MMP26: variants seen among roughly 807,000 people sequenced by gnomAD.
MMP26 encodes matrix metalloproteinase-26.
A neutral mutation model predicts 31.0 loss-of-function variants in MMP26; 33 were observed. That is an observed-to-expected ratio of 1.06 (90% CI 0.81 to 1.42). The LOEUF (loss-of-function observed/expected upper bound fraction) is 1.42, where lower values mean the gene tolerates loss of function less well. Ranked by LOEUF, MMP26 falls within the 40% of genes most tolerant of loss-of-function variation. MMP26 has a pLI of 0.00. For synonymous variants in MMP26, 122 were observed against 114.9 expected, an observed-to-expected ratio of 1.06 and a Z score of -0.40; for missense variants, 347 against 316.1, an observed-to-expected ratio of 1.10 and a Z score of -0.74.
chr11:4,870,386 A>G (rs1487899335), intron 2 of MMP26, among the ~76,000 whole-genome samples: 1 of 152,148 alleles, frequency 6.6e-6, no homozygotes, highest in African/African-American at 2.4e-5. Context: ...TAGAATATGT[A>G]TTAAAATAAT....
intron 1 of MMP26, chr11:4,724,124 G>T (rs1848062967): frequency 4.8e-6 from 3 of 619,474 alleles, no homozygotes; most frequent in African/African-American, 3.7e-5. Context: ...AGTCCTGGGG[G>T]GCTAGAGGTG....
intron 2 of MMP26, among the ~76,000 whole-genome samples, chr11:4,861,199 GATAC>G (rs1050543161): frequency 3.3e-5 from 5 of 149,386 alleles, no homozygotes; most frequent in Admixed American, 1.3e-4. Context: ...TATACATATA[GATAC>G]ATACAGTTTC....
chr11:4,802,653 A>G (rs1482897483), intron 2 of MMP26, among the ~76,000 whole-genome samples: 5 of 152,224 alleles, frequency 3.3e-5, no homozygotes, highest in Non-Finnish European at 1.5e-5. Flanking sequence ...ATTTAAAAAT[A>G]CACTAAAGTA....
intron 2 of MMP26, among the ~76,000 whole-genome samples, chr11:4,969,571 G>C (rs1846638355): frequency 6.6e-6 from 1 of 151,942 alleles, no homozygotes; most frequent in Non-Finnish European, 1.5e-5. Context: ...AACCTAAAAA[G>C]TTAGATACAT....
intron 2 of MMP26, among the ~76,000 whole-genome samples, chr11:4,866,145 T>TA (rs1850230890): frequency 6.6e-6 from 1 of 151,846 alleles, no homozygotes; most frequent in African/African-American, 2.4e-5. Context: ...GAAGCCAGGC[T>TA]AAAAAAGTGG....
intron 2 of MMP26, among the ~76,000 whole-genome samples, chr11:4,878,956 C>A (rs1850421519): frequency 6.6e-6 from 1 of 152,024 alleles, no homozygotes; most frequent in Non-Finnish European, 1.5e-5. Context: ...ACAAAAAGGG[C>A]CGGGCGCGGT....
At chr11:4,776,319 G>A (rs572049020) in intron 2 of MMP26, among the ~76,000 whole-genome samples, 120 of 152,144 alleles carry the variant, frequency 7.9e-4, no homozygotes, top group African/African-American at 2.7e-3. Context: ...CCAGTAGTGA[G>A]ATTACTGGAT....
chr11:4,803,903 TC>T, intron 2 of MMP26: 1 of 1,612,460 alleles, frequency 6.2e-7, no homozygotes, highest in South Asian at 1.1e-5. Context: ...CAGAAGGGGC[TC>T]ACCCACAGCA....
At position 4,822,966 on chromosome 11, in the gene MMP26, T is replaced by C. The variant is rs140119407; in HGVS notation, c.-145+55625T>C. ...TGCTGTTAGCTGAAGAGTTAAAAGT[T>C]GGTAATTACATTGTTAACATTCTAG... is the stretch of plus-strand genomic sequence containing the variant. On this transcript the variant is annotated intron_variant, in intron 2 of 7. Coordinates refer to ENST00000380390, the MANE Select transcript of MMP26 (RefSeq NM_021801.5). 9.0e-3 allele frequency among the ~76,000 whole-genome samples: 1,377 copies of C among 152,274 alleles called. 18 individuals carry two copies. The highest frequency in any genetic ancestry group is 0.012 in the Non-Finnish European group (823 of 68,008).
At chr11:4,844,637 T>C (rs1402464604) in intron 2 of MMP26, among the ~76,000 whole-genome samples, 1 of 152,166 alleles carries the variant, frequency 6.6e-6, no homozygotes, top group Admixed American at 6.5e-5. Flanking sequence ...GGATACATTC[T>C]ATCAACAGAA....
At chr11:4,899,713 G>C (rs1850773378) in intron 2 of MMP26, among the ~76,000 whole-genome samples, 2 of 152,058 alleles carry the variant, frequency 1.3e-5, no homozygotes, top group African/African-American at 4.8e-5. Flanking sequence ...ACCCCATCAG[G>C]CTAATGACCT....
chr11:4,792,568 C>T (rs567465682), intron 2 of MMP26, among the ~76,000 whole-genome samples: 1 of 152,236 alleles, frequency 6.6e-6, no homozygotes, highest in South Asian at 2.1e-4. Context: ...TTTTCACTGT[C>T]TTGGGTCAGA....
chr11:4,949,629 G>A (rs11034852), intron 2 of MMP26, among the ~76,000 whole-genome samples: 88,173 of 119,816 alleles, frequency 0.74, 38,264 homozygotes, highest in Middle Eastern at 0.87. Flanking sequence ...ATCAAAAAAT[G>A]TAACTTCTAT....
intron 2 of MMP26, chr11:4,821,499 G>C: frequency 1.2e-6 from 2 of 1,612,368 alleles, no homozygotes; most frequent in Non-Finnish European, 1.7e-6. Context: ...AAGCCACCCA[G>C]TACTGGATCT....
chr11:4,967,279 T>C (rs1349707849), intron 2 of MMP26, among the ~76,000 whole-genome samples: 1 of 152,198 alleles, frequency 6.6e-6, no homozygotes, highest in East Asian at 1.9e-4. Flanking sequence ...CAGCTCTCTT[T>C]ACAATTCTTA....
intron 2 of MMP26, among the ~76,000 whole-genome samples, chr11:4,966,155 A>G (rs1010744714): frequency 6.6e-6 from 1 of 152,150 alleles, no homozygotes; most frequent in African/African-American, 2.4e-5. Flanking sequence ...AGACTATGAC[A>G]ATAGCTATGG....
At chr11:4,915,563 A>T (rs149983370) in intron 2 of MMP26, 13 of 1,613,924 alleles carry the variant, frequency 8.1e-6, no homozygotes, top group Non-Finnish European at 1.1e-5. Context: ...GCACAGTGGG[A>T]TGGAGATCCA....
At chr11:4,853,208 AAC>A (rs1323440246) in intron 2 of MMP26, among the ~76,000 whole-genome samples, 1 of 152,172 alleles carries the variant, frequency 6.6e-6, no homozygotes, top group East Asian at 1.9e-4. Context: ...GTATCCTCCA[AAC>A]ACACACACCC....
At chr11:4,989,981 G>C (rs918264984) in intron 4 of MMP26, 113 bp downstream of exon 4, 7 of 782,318 alleles carry the variant, frequency 8.9e-6, no homozygotes, top group Non-Finnish European at 1.4e-5. Flanking sequence ...TTGGCAGCCC[G>C]CTCAAAGCCC....
Sources: allele counts gnomAD v4.1 joint callset (sites outside exome capture counted in the v4.1 genomes callset), GRCh38; gene constraint gnomAD v4.1.1; transcripts MANE v1.5; gene names NCBI Gene and HGNC (gene_info 2026-07-23, HGNC 2026-07-21).